The following MROH7 variants were observed in gnomAD, a reference collection of about 807,000 sequenced individuals.
The protein encoded by MROH7 is maestro heat-like repeat-containing protein family member 7.
In MROH7, 113 loss-of-function variants were observed where a neutral mutation model predicts 129.2. The observed-to-expected ratio is 0.87, with a 90% CI of 0.75 to 1.02. The LOEUF (loss-of-function observed/expected upper bound fraction) is 1.02. Among genes scored for constraint, MROH7 ranks in the 50% least tolerant of loss-of-function variants. The pLI, the probability that MROH7 is intolerant of heterozygous loss-of-function variation, is 0.00. For missense variants in MROH7, 1,601 were observed against 1,671.3 expected, an observed-to-expected ratio of 0.96 and a Z score of 0.73; for synonymous variants, 655 against 667.9, an observed-to-expected ratio of 0.98 and a Z score of 0.30.
chr1:54,668,954 CGGGT>C lies in MROH7; in HGVS notation c.1389+18_1389+21del. On this transcript the variant is annotated intron_variant, in intron 5 of 23. Coordinates refer to ENST00000421030, the MANE Select transcript of MROH7 (RefSeq NM_001039464.4). ...AAGATTATGGTGGGGGAGCCACAGG[CGGGT>C]CTGTGGCATTGGGGTGGGAGGGGGC... The C allele has an allele frequency of 9.0e-6, 8 of 885,730 alleles. No individual in the cohort carries two copies. Among genetic ancestry groups the C allele is most frequent in the East Asian group, 3.9e-5 (1 of 25,318 alleles). 54.9% of individuals were successfully genotyped at this position (885,730 alleles called of 1,614,324 possible).
At chr1:54,644,154 C>G (rs1198774263) in intron 1 of MROH7, among the ~76,000 whole-genome samples, 1 of 144,606 alleles carries the variant, frequency 6.9e-6, no homozygotes, top group East Asian at 2.0e-4. Context: ...TTTCAGCACT[C>G]TCTTTTCTCC....
intron 3 of MROH7, among the ~76,000 whole-genome samples, chr1:54,660,971 G>A (rs749417666): frequency 8.8e-5 from 13 of 147,650 alleles, no homozygotes; most frequent in African/African-American, 2.5e-4. Flanking sequence ...GTCAATTTGC[G>A]TATCCTCTTT....
At chr1:54,648,341 T>TTTA (rs1258073062) in intron 1 of MROH7, among the ~76,000 whole-genome samples, 2 of 79,138 alleles carry the variant, frequency 2.5e-5, no homozygotes, top group Admixed American at 1.2e-4. Flanking sequence ...TGCAATTTTA[T>TTTA]TTATTTATTT....
At position 54,653,522 on chromosome 1, in the gene MROH7, A is replaced by G; in HGVS notation, c.596A>G (p.Lys199Arg). The G allele has an allele frequency of 6.2e-7, 1 of 1,614,102 alleles. No individual in the cohort carries two copies. The change falls in exon 3 of 24, where the codon AAA becomes AGA. Residue 199 changes from lysine (K) to arginine (R), a missense_variant. By Grantham distance (26) the Lys-to-Arg change is conservative. Coordinates refer to ENST00000421030, the MANE Select transcript of MROH7 (RefSeq NM_001039464.4). ...CACTGCATCTCTAGGCCAAGCTCAA[A>G]AGCACTCCTTATTCCAACCTCAAAC... ...LGHCISRPSS[K>R]ALLIPTSNSS...
At chr1:54,697,957 C>T in intron 17 of MROH7, 1 of 399,788 alleles carries the variant, frequency 2.5e-6, no homozygotes, top group Non-Finnish European at 4.5e-6. Flanking sequence ...ACCAGCAGCC[C>T]TTCCGCCCTG....
intron 4 of MROH7, 32 bp from the exon 5 acceptor site, chr1:54,668,822 A>G (rs1644852016): frequency 6.4e-7 from 1 of 1,571,380 alleles, no homozygotes; most frequent in Non-Finnish European, 8.8e-7. Flanking sequence ...TGGGTCTCTC[A>G]CTCTGAGGTT....
Position 54,670,864 on chromosome 1 carries a change from G to A in MROH7, c.1534G>A (p.Val512Met), listed in dbSNP as rs113626408. 191 of 1,613,678 alleles carry A rather than the reference G, an allele frequency of 1.2e-4. No individual in the cohort carries two copies. The African/African-American group carries it at 1.9e-3, about 16-fold the overall frequency. ...SELVNVCVHS[V>M]FSLPSVQAMQ... ...GCTGGTGAACGTGTGTGTGCACAGC[G>A]TGTTCTCCCTGCCCTCCGTGCAGGC... Residue 512 changes from valine to methionine, a missense_variant, in exon 7 of 24, where the codon GTG becomes ATG. Coordinates refer to ENST00000421030, the MANE Select transcript of MROH7 (RefSeq NM_001039464.4).
intron 3 of MROH7, among the ~76,000 whole-genome samples, chr1:54,658,948 G>A (rs1446434354): frequency 6.6e-6 from 1 of 152,168 alleles, no homozygotes; most frequent in African/African-American, 2.4e-5. Flanking sequence ...CATGGGGGTT[G>A]GGGGGACAAC....
chr1:54,650,881 A>G (rs920420184), intron 1 of MROH7, among the ~76,000 whole-genome samples: 2 of 151,686 alleles, frequency 1.3e-5, no homozygotes, highest in African/African-American at 4.8e-5. Flanking sequence ...ATGCCACCAC[A>G]CCCAGCTAAT....
At chr1:54,704,816 T>TTTTTGG (rs1645505209) in intron 21 of MROH7, among the ~76,000 whole-genome samples, 1 of 145,250 alleles carries the variant, frequency 6.9e-6, no homozygotes, top group African/African-American at 2.6e-5. Flanking sequence ...TTTTTTTTTT[T>TTTTTGG]GAGATGGAGT....
intron 16 of MROH7, among the ~76,000 whole-genome samples, chr1:54,692,832 T>A (rs1458114151): frequency 6.6e-6 from 1 of 152,170 alleles, no homozygotes; most frequent in Non-Finnish European, 1.5e-5. Flanking sequence ...TGAATTTAGT[T>A]CCCATGCCAA....
intron 12 of MROH7, 114 bp downstream of exon 12, chr1:54,679,553 C>A (rs930368218): frequency 1.7e-6 from 2 of 1,199,614 alleles, no homozygotes; most frequent in Non-Finnish European, 2.3e-6. Context: ...TACCTGAACC[C>A]CCTAAGCCAT....
intron 15 of MROH7, 34 bp downstream of exon 15, chr1:54,686,482 C>T (rs1353565946): frequency 1.5e-5 from 24 of 1,585,144 alleles, no homozygotes; most frequent in African/African-American, 4.0e-5. Flanking sequence ...CCCTGCTGTC[C>T]CCGGTGGTGG....
chr1:54,668,784 A>T lies in MROH7; in HGVS notation c.1306-70A>T, dbSNP rs1644851331. The T allele has an allele frequency of 1.3e-5, 16 of 1,235,740 alleles. No individual in the cohort carries two copies. In the Admixed American group the frequency reaches 2.1e-4, roughly 16 times the overall value. 76.5% of individuals were successfully genotyped at this position (1,235,740 alleles called of 1,614,324 possible). A position where few individuals can be genotyped will look rare whatever the true frequency, so the allele number is the denominator to read the frequency against. On this transcript the variant is annotated intron_variant, in intron 4 of 23. Transcript: ENST00000421030. ...GGTGTCGGGTGGTTAACAGTGCTGT[A>T]TGGGCAACCCCTGAGGACTGGGCTC... is the stretch of plus-strand genomic sequence containing the variant.
rs772770905 is a variant in MROH7, at chr1:54,686,298, G to A, written c.2561G>A (p.Cys854Tyr). Residue 854 changes from cysteine to tyrosine, a missense_variant, in exon 15 of 24, where the codon TGC becomes TAC. Transcript: ENST00000421030. ...GLCELLSVNSCMGRVRRIYPQ... is the reference protein window; with the variant it reads ...GLCELLSVNSYMGRVRRIYPQ... ...TGCGAGCTCCTGTCCGTCAACAGCT[G>A]CATGGGCCGTGTGAGGCGCATCTAC... 64 of 1,613,922 alleles carry A rather than the reference G, an allele frequency of 4.0e-5. No individual in the cohort carries two copies. In the South Asian group the frequency reaches 7.0e-4, roughly 18 times the overall value.
At position 54,671,788 on chromosome 1, in the gene MROH7, G is replaced by A. The variant is rs112714945; in HGVS notation, c.1599+859G>A. ...CCTACTCCATGCTGAACTCAGCACA[G>A]GAGCCTTACAGGTGAGGTGAGTGTG... On this transcript the variant is annotated intron_variant, in intron 7 of 23. Transcript: ENST00000421030. Among the ~76,000 whole-genome samples the A allele has an allele frequency of 7.5e-3, 1,144 of 152,302 alleles. 19 individuals are homozygous for A. Among genetic ancestry groups the A allele is most frequent in the African/African-American group, 0.026 (1,091 of 41,554 alleles).
chr1:54,687,400 T>G (rs1211469601), intron 15 of MROH7, among the ~76,000 whole-genome samples: 1 of 152,254 alleles, frequency 6.6e-6, no homozygotes, highest in Non-Finnish European at 1.5e-5. Flanking sequence ...TTTTAACAGC[T>G]GCATAGTATC....
intron 17 of MROH7, chr1:54,697,936 C>T (rs1645348757): frequency 7.0e-6 from 3 of 427,940 alleles, no homozygotes; most frequent in Non-Finnish European, 1.2e-5. Flanking sequence ...CCACCATTCC[C>T]TGGACTCCTG....
intron 22 of MROH7, among the ~76,000 whole-genome samples, chr1:54,706,846 G>A (rs973444297): frequency 2.6e-5 from 4 of 152,154 alleles, no homozygotes; most frequent in African/African-American, 9.7e-5. Context: ...GCAGGAGCCT[G>A]GGCAAATCCC....
Sources: gnomAD v4.1 joint callset for allele counts (sites outside exome capture counted in the v4.1 genomes callset) on GRCh38, gnomAD v4.1.1 for gene constraint, MANE v1.5 for transcripts, NCBI Gene and HGNC (gene_info 2026-07-23, HGNC 2026-07-21) for gene names.